BCAM: variants seen among roughly 807,000 people sequenced by gnomAD.
The protein encoded by BCAM is basal cell adhesion molecule (Lutheran blood group).
BCAM carries 61 observed loss-of-function variants against 72.4 expected under a neutral mutation model. The observed-to-expected ratio is 0.84, with a 90% CI of 0.69 to 1.04. The LOEUF is 1.04. Ranked by LOEUF, BCAM falls within the 50% of genes least tolerant of loss-of-function variation. The probability of loss-of-function intolerance (pLI) is 0.00; values close to 1 mark genes in which losing one functional copy is unlikely to be tolerated. For missense variants in BCAM, 909 were observed against 895.0 expected (o/e 1.02, Z -0.20); for synonymous variants, 408 against 384.2 (o/e 1.06, Z -0.73).
chr19:44,810,457 A>C (rs1482552367), intron 1 of BCAM, among the ~76,000 whole-genome samples: 3 of 148,364 alleles, frequency 2.0e-5, no homozygotes, highest in African/African-American at 5.0e-5. Context: ...GCCCCCACAC[A>C]TCCATCCCGC....
In BCAM at chr19:44,813,575, C is replaced by CGCCACG. The variant is rs760137785; in HGVS notation, c.743_748dup (p.His248_Gly249dup). ...CGCCCACTACAGCCTGCCCGAGGGC[C>CGCCACG]GCCACGGCCGCCTGGACAGCCCCAC... is the stretch of plus-strand genomic sequence containing the variant. On this transcript the variant is annotated inframe_insertion, in exon 6 of 15. Transcript: ENST00000270233. The surrounding 1 kb of genome is among the most constrained non-coding windows in gnomAD (Gnocchi z 4.2). 3 of 1,612,466 alleles carry CGCCACG rather than the reference C, an allele frequency of 1.9e-6. No individual in the cohort carries two copies. Among genetic ancestry groups the CGCCACG allele is most frequent in the Non-Finnish European group, 2.5e-6 (3 of 1,179,902 alleles).
chr19:44,819,299 C>T, intron 11 of BCAM, 47 bp from the exon 12 acceptor site: 1 of 1,612,584 alleles, frequency 6.2e-7, no homozygotes, highest in Non-Finnish European at 8.5e-7. Context: ...TGCCCTTGAC[C>T]CCACCCCTTG....
At chr19:44,811,826 AGT>A in intron 2 of BCAM, 1 of 399,406 alleles carries the variant, frequency 2.5e-6, no homozygotes, top group Non-Finnish European at 4.5e-6. Context: ...TAGAGGTTGC[AGT>A]GAGCCGAGAT....
Position 44,813,464 on chromosome 19 carries a change from C to T in BCAM, c.628C>T (p.Arg210Trp), listed in dbSNP as rs747779314. The T allele has an allele frequency of 2.7e-5, 44 of 1,611,730 alleles. No homozygotes were observed. The highest frequency in any genetic ancestry group is 3.3e-5 in the Admixed American group (2 of 59,996). ...GGGCTACATGACCAGCCGCACGGTC[C>T]GGGAGGCCTCGGGCCTGCTCTCCCT... ...PEGYMTSRTV[R>W]EASGLLSLTS... Residue 210 changes from arginine to tryptophan, a missense_variant, in exon 6 of 15, where the codon CGG becomes TGG. Coordinates refer to ENST00000270233, the MANE Select transcript of BCAM (RefSeq NM_005581.5). This position sits in a 1 kb window ranked among gnomAD's most constrained non-coding sequence, Gnocchi z 4.2.
chr19:44,816,012 A>G (rs887012752), intron 8 of BCAM, among the ~76,000 whole-genome samples: 3 of 152,096 alleles, frequency 2.0e-5, no homozygotes, highest in African/African-American at 7.2e-5. Flanking sequence ...ACCCCGTCTC[A>G]GGAAAAATAA....
intron 13 of BCAM, 99 bp downstream of exon 13, chr19:44,819,825 A>C (rs1968559546): frequency 2.8e-6 from 4 of 1,427,996 alleles, no homozygotes; most frequent in Admixed American, 2.8e-5. Flanking sequence ...CTTATCCTCC[A>C]CCCCACATCC....
At chr19:44,811,705 T>G (rs2122549059) in intron 2 of BCAM, 1 of 289,242 alleles carries the variant, frequency 3.5e-6, no homozygotes, top group Non-Finnish European at 6.6e-6. Context: ...ACCAACATGG[T>G]GAAACCCCGT....
rs55728434 is a variant in BCAM, at chr19:44,818,029, C to T, written c.1079-493C>T. On this transcript the variant is annotated intron_variant, in intron 8 of 14. Coordinates refer to ENST00000270233, the MANE Select transcript of BCAM (RefSeq NM_005581.5). This position sits in a 1 kb window ranked among gnomAD's most constrained non-coding sequence, Gnocchi z 4.6. Reference sequence around the variant, plus strand: ...TGCTGAGGCCAGGAGCAGGGGCTCACGCCTGTGATCCTAGCACTTTTGGGA... The same window carrying T: ...TGCTGAGGCCAGGAGCAGGGGCTCATGCCTGTGATCCTAGCACTTTTGGGA... 4.2e-3 allele frequency among the ~76,000 whole-genome samples: 636 copies of T among 152,242 alleles called. 6 individuals carry two copies. Among genetic ancestry groups the T allele is most frequent in the African/African-American group, 0.014 (595 of 41,554 alleles).
At position 44,819,599 on chromosome 19, in the gene BCAM, C is replaced by T. The variant is rs376661592; in HGVS notation, c.1636C>T (p.Gln546Ter). 1.7e-5 allele frequency: 27 copies of T among 1,613,238 alleles called. No homozygotes were observed. The highest frequency in any genetic ancestry group is 2.1e-5 in the Non-Finnish European group (25 of 1,179,606). The change falls in exon 13 of 15, where the codon CAG becomes TAG. Residue 546 changes from glutamine to a stop codon, truncating the protein, a stop_gained. Transcript: ENST00000270233. LOFTEE classifies it high-confidence loss of function. The part of the protein sequence containing the change: ...HFGTVSPQTS[Q>*]AGVAVMAVAV... ...CCCTGCAGTGAGCCCCCAGACCTCC[C>T]AGGCTGGAGTGGCCGTCATGGCCGT...
At position 44,812,075 on chromosome 19, in the gene BCAM, C is replaced by T; in HGVS notation, c.205-88C>T. Reference sequence around the variant, plus strand: ...ATAACAAGAGGAAAAGAGGCAGAGCCAGGAGCTGCAGAGAGAAAGGACCCA... The same window carrying T: ...ATAACAAGAGGAAAAGAGGCAGAGCTAGGAGCTGCAGAGAGAAAGGACCCA... On this transcript the variant is annotated intron_variant, in intron 2 of 14. Transcript: ENST00000270233. The surrounding 1 kb of genome is among the most constrained non-coding windows in gnomAD (Gnocchi z 5.3). The T allele has an allele frequency of 7.7e-7, 1 of 1,299,950 alleles. No homozygotes were observed. Among genetic ancestry groups the T allele is most frequent in the Non-Finnish European group, 1.1e-6 (1 of 948,294 alleles). The allele number at this position is 1,299,950 out of a possible 1,614,324, so 80.5% of individuals were successfully genotyped here.
intron 8 of BCAM, among the ~76,000 whole-genome samples, chr19:44,815,278 A>G (rs1045619295): frequency 8.6e-5 from 13 of 151,684 alleles, no homozygotes; most frequent in African/African-American, 2.4e-4. Context: ...TTTCTCACCA[A>G]TCCCTTGAAT....
chr19:44,811,478 C>A, intron 2 of BCAM, 132 bp downstream of exon 2: 1 of 1,460,582 alleles, frequency 6.8e-7, no homozygotes, highest in Non-Finnish European at 9.3e-7. Context: ...GTCACTGAGT[C>A]CCACTGAGGG....
intron 8 of BCAM, among the ~76,000 whole-genome samples, chr19:44,817,065 G>A (rs1331757564): frequency 6.6e-6 from 1 of 151,774 alleles, no homozygotes; most frequent in African/African-American, 2.4e-5. Flanking sequence ...GTGAAATCCC[G>A]TCTCTACTAA....
chr19:44,814,250 G>C lies in BCAM; in HGVS notation c.883G>C (p.Gly295Arg), dbSNP rs781494818. 4 of 1,590,314 alleles carry C rather than the reference G, an allele frequency of 2.5e-6. No individual in the cohort carries two copies. Among genetic ancestry groups the C allele is most frequent in the South Asian group, 1.1e-5 (1 of 88,158 alleles). ...TGTCCAGCTGCTCTGCCGGGGGGAC[G>C]GCAGCCCCAGCCCGGAGTATACGCT... is the stretch of plus-strand genomic sequence containing the variant. ...DTVQLLCRGD[G>R]SPSPEYTLFR... Residue 295 changes from glycine (G) to arginine (R), a missense_variant, in exon 7 of 15, where the codon GGC becomes CGC. Physicochemically the swap from Gly to Arg is moderately radical, Grantham distance 125. Coordinates refer to ENST00000270233, the MANE Select transcript of BCAM (RefSeq NM_005581.5). The surrounding 1 kb of genome is among the most constrained non-coding windows in gnomAD (Gnocchi z 4.6).
In BCAM at chr19:44,813,153, CCGG is replaced by C; in HGVS notation, c.505-95_505-93del. Reference sequence around the variant, plus strand: ...CCTGGGAGAGTCGGGAGTTAGGAGCCCGGCTCATGAGTCTGAGTGGGGAGAACT... The same window carrying C: ...CCTGGGAGAGTCGGGAGTTAGGAGCCCTCATGAGTCTGAGTGGGGAGAACT... On this transcript the variant is annotated intron_variant, in intron 4 of 14. Coordinates refer to ENST00000270233, the MANE Select transcript of BCAM (RefSeq NM_005581.5). The surrounding 1 kb of genome is among the most constrained non-coding windows in gnomAD (Gnocchi z 4.2). 1 of 1,388,448 alleles carries C rather than the reference CCGG, an allele frequency of 7.2e-7. No individual in the cohort carries two copies. Among genetic ancestry groups the C allele is most frequent in the South Asian group, 1.3e-5 (1 of 76,494 alleles). The allele number at this position is 1,388,448 out of a possible 1,614,324, so 86.0% of individuals were successfully genotyped here. A position where few individuals can be genotyped will look rare whatever the true frequency, so the allele number is the denominator to read the frequency against.
At chr19:44,819,849 T>G in intron 13 of BCAM, 123 bp downstream of exon 13, 1 of 1,417,844 alleles carries the variant, frequency 7.1e-7, no homozygotes, top group Non-Finnish European at 9.2e-7. Flanking sequence ...CACATCCACC[T>G]CCATCCCCAA....
rs1028802523 is a variant in BCAM, at chr19:44,814,816, C to A, written c.1078+56C>A. 6.5e-7 allele frequency: 1 copy of A among 1,544,984 alleles called. No homozygotes were observed. The highest frequency in any genetic ancestry group is 1.2e-5 in the South Asian group (1 of 82,130). ...AGGGGCCCTGGCATCAGTGCCTCTG[C>A]GCCCTCCTCCCTACAGCCCTGAAGT... On this transcript the variant is annotated intron_variant, in intron 8 of 14. Coordinates refer to ENST00000270233, the MANE Select transcript of BCAM (RefSeq NM_005581.5). The surrounding 1 kb of genome is among the most constrained non-coding windows in gnomAD (Gnocchi z 4.6).
intron 8 of BCAM, among the ~76,000 whole-genome samples, chr19:44,815,892 A>G (rs1193631425): frequency 6.6e-6 from 1 of 152,056 alleles, no homozygotes; most frequent in Non-Finnish European, 1.5e-5. Flanking sequence ...ACACACCTGT[A>G]GTCCCAGCTA....
Position 44,811,319 on chromosome 19 carries a change from C to G in BCAM, c.177C>G (p.His59Gln). 1 of 1,613,254 alleles carries G rather than the reference C, an allele frequency of 6.2e-7. No individual in the cohort carries two copies. The highest frequency in any genetic ancestry group is 8.5e-7 in the Non-Finnish European group (1 of 1,179,644). ...TGGACTGCACCCCTACGGGAACCCA[C>G]GACCATTATATGCTGGAATGGTTCC... is the stretch of plus-strand genomic sequence containing the variant. ...VILDCTPTGT[H>Q]DHYMLEWFLT... The change falls in exon 2 of 15, where the codon CAC becomes CAG. Residue 59 changes from histidine to glutamine, a missense_variant. Coordinates refer to ENST00000270233, the MANE Select transcript of BCAM (RefSeq NM_005581.5).
Sources: gnomAD v4.1 joint callset for allele counts (sites outside exome capture counted in the v4.1 genomes callset) on GRCh38, gnomAD v4.1.1 for gene constraint, Gnocchi (gnomAD v3.1) non-coding constraint, MANE v1.5 for transcripts, NCBI Gene and HGNC (gene_info 2026-07-23, HGNC 2026-07-21) for gene names.